CACHD1: variants seen among roughly 807,000 people sequenced by gnomAD.
CACHD1 encodes the protein cache domain containing 1.
In CACHD1, 71 loss-of-function variants were observed where a neutral mutation model predicts 138.7. The observed-to-expected ratio is 0.51, with a 90% confidence interval of 0.42 to 0.62. CACHD1 has a LOEUF of 0.62. Among genes scored for constraint, CACHD1 ranks in the 20% least tolerant of loss-of-function variants. The pLI is 0.00. For missense variants in CACHD1, 1,389 were observed against 1,625.3 expected, an observed-to-expected ratio of 0.85 and a Z score of 2.50; for synonymous variants, 578 against 591.5, an observed-to-expected ratio of 0.98 and a Z score of 0.33.
At chr1:64,504,053 G>T (rs559016195) in intron 1 of CACHD1, among the ~76,000 whole-genome samples, 29 of 152,234 alleles carry the variant, frequency 1.9e-4, no homozygotes, top group African/African-American at 7.0e-4. Context: ...TTTTGAGACA[G>T]GGTCTCACTC....
intron 1 of CACHD1, among the ~76,000 whole-genome samples, chr1:64,514,461 A>G (rs1265673728): frequency 6.6e-6 from 1 of 152,206 alleles, no homozygotes; most frequent in Non-Finnish European, 1.5e-5. Flanking sequence ...GTAGCTCGAT[A>G]TAAAAGTCTT....
At chr1:64,579,072 A>G (rs1397709886) in intron 2 of CACHD1, among the ~76,000 whole-genome samples, 1 of 152,230 alleles carries the variant, frequency 6.6e-6, no homozygotes, top group African/African-American at 2.4e-5. Context: ...ATAGCAAAGC[A>G]GGCCATACAG....
intron 1 of CACHD1, among the ~76,000 whole-genome samples, chr1:64,549,800 T>TTA (rs1553132094): frequency 1.3e-5 from 2 of 151,198 alleles, no homozygotes; most frequent in Non-Finnish European, 2.9e-5. Context: ...TTTTTATTTT[T>TTA]TTTATTTTTT....
At chr1:64,660,178 A>T (rs1344146886) in intron 13 of CACHD1, among the ~76,000 whole-genome samples, 2 of 152,198 alleles carry the variant, frequency 1.3e-5, no homozygotes, top group African/African-American at 4.8e-5. Flanking sequence ...GCCTCTTTTA[A>T]GTTCTGTGTG....
intron 2 of CACHD1, among the ~76,000 whole-genome samples, chr1:64,556,178 G>C (rs895548789): frequency 5.3e-5 from 8 of 152,138 alleles, no homozygotes; most frequent in African/African-American, 1.9e-4. Context: ...GGTGTGACAT[G>C]GGCTTACCTC....
At chr1:64,576,817 C>T (rs1453708842) in intron 2 of CACHD1, among the ~76,000 whole-genome samples, 2 of 152,134 alleles carry the variant, frequency 1.3e-5, no homozygotes, top group African/African-American at 4.8e-5. Context: ...AACAAAAACC[C>T]CTTGAGTAAT....
chr1:64,662,397 C>T (rs1190269260), intron 13 of CACHD1, among the ~76,000 whole-genome samples: 1 of 152,198 alleles, frequency 6.6e-6, no homozygotes, highest in East Asian at 1.9e-4. Context: ...CTGTTTCCAA[C>T]ACCCCACCTG....
chr1:64,647,482 A>G (rs980026621), intron 8 of CACHD1, among the ~76,000 whole-genome samples: 1 of 152,232 alleles, frequency 6.6e-6, no homozygotes. Flanking sequence ...AATGCAGAAA[A>G]TGAATTTTCA....
Position 64,647,787 on chromosome 1 carries a change from G to C in CACHD1, c.1157-14G>C. 1 of 1,612,736 alleles carries C rather than the reference G, an allele frequency of 6.2e-7. No individual in the cohort carries two copies. The highest frequency in any genetic ancestry group is 8.5e-7 in the Non-Finnish European group (1 of 1,178,860). ...TTTTGCTTTCCGTGGTCTTCTCTCG[G>C]CTTTCCATTTTAGATGGGGTGACTG... is the stretch of plus-strand genomic sequence containing the variant. On this transcript the variant is annotated splice_polypyrimidine_tract_variant and intron_variant, in intron 8 of 26. Transcript: ENST00000651257.
intron 2 of CACHD1, among the ~76,000 whole-genome samples, chr1:64,574,188 A>G (rs1646948053): frequency 6.6e-6 from 1 of 152,180 alleles, no homozygotes; most frequent in Admixed American, 6.5e-5. Context: ...AGATTAGAAG[A>G]AAAGGTCTTT....
At chr1:64,490,624 T>C (rs1646269583) in intron 1 of CACHD1, among the ~76,000 whole-genome samples, 1 of 152,216 alleles carries the variant, frequency 6.6e-6, no homozygotes, top group Non-Finnish European at 1.5e-5. Flanking sequence ...AATGCCTTGC[T>C]AATGTCATGT....
At chr1:64,615,638 T>C (rs1196977335) in intron 4 of CACHD1, among the ~76,000 whole-genome samples, 1 of 152,222 alleles carries the variant, frequency 6.6e-6, no homozygotes, top group Admixed American at 6.5e-5. Context: ...TTGTTTCCTC[T>C]TCTGTATAAT....
intron 3 of CACHD1, among the ~76,000 whole-genome samples, chr1:64,589,862 T>G (rs1441428784): frequency 6.6e-6 from 1 of 152,174 alleles, no homozygotes; most frequent in Non-Finnish European, 1.5e-5. Context: ...CCTCCTGCCC[T>G]TTTACCCCTT....
chr1:64,691,797 A>G lies in CACHD1; in HGVS notation c.*236A>G, dbSNP rs1650567951. On this transcript the variant is annotated 3_prime_UTR_variant, in exon 27 of 27. Transcript: ENST00000651257. ...AAATGGAGGGGAAATAAGCCTGATGAACAGACCTGCCATAACACTAATGGA... is the reference window on the plus strand; with the variant it reads ...AAATGGAGGGGAAATAAGCCTGATGGACAGACCTGCCATAACACTAATGGA... 7.4e-6 allele frequency: 4 copies of G among 539,898 alleles called. No homozygotes were observed. The Admixed American group carries it at 1.2e-4, about 17-fold the overall frequency. 33.4% of individuals were successfully genotyped at this position (539,898 alleles called of 1,614,324 possible).
At chr1:64,687,993 C>T (rs552660185) in intron 26 of CACHD1, among the ~76,000 whole-genome samples, 2 of 151,714 alleles carry the variant, frequency 1.3e-5, no homozygotes, top group South Asian at 4.2e-4. Flanking sequence ...AGCACCAGCC[C>T]CCATGTGGGC....
intron 3 of CACHD1, among the ~76,000 whole-genome samples, chr1:64,596,679 G>A (rs1647154649): frequency 1.3e-5 from 2 of 152,148 alleles, no homozygotes; most frequent in Non-Finnish European, 2.9e-5. Context: ...CTTCTGATCT[G>A]ATACCAAGTT....
chr1:64,528,150 G>T (rs1272188756), intron 1 of CACHD1, among the ~76,000 whole-genome samples: 1 of 152,196 alleles, frequency 6.6e-6, no homozygotes, highest in Non-Finnish European at 1.5e-5. Context: ...TCTAATTATG[G>T]AGATGGATAT....
At chr1:64,640,324 T>A (rs1648663018) in intron 7 of CACHD1, among the ~76,000 whole-genome samples, 1 of 152,176 alleles carries the variant, frequency 6.6e-6, no homozygotes, top group African/African-American at 2.4e-5. Context: ...GAAGTAAGTG[T>A]ATAACATATT....
intron 2 of CACHD1, among the ~76,000 whole-genome samples, chr1:64,561,858 CAA>C (rs35407984): frequency 7.7e-5 from 9 of 116,470 alleles, no homozygotes; most frequent in Non-Finnish European, 8.4e-5. Context: ...ACACTGTCTC[CAA>C]AAAAAAAAAA....
Sources: allele counts gnomAD v4.1 joint callset (sites outside exome capture counted in the v4.1 genomes callset), GRCh38; gene constraint gnomAD v4.1.1; transcripts MANE v1.5; gene names NCBI Gene and HGNC (gene_info 2026-07-23, HGNC 2026-07-21).